Variants in UBA6 observed in about 807,000 individuals in gnomAD.
UBA6 encodes the protein ubiquitin-like modifier-activating enzyme 6.
Under a neutral mutation model 148.3 loss-of-function variants are expected in UBA6, and 87 were observed. That is an observed-to-expected ratio of 0.59 (90% CI 0.49 to 0.70). The LOEUF (loss-of-function observed/expected upper bound fraction) is 0.70. UBA6 is among the 30% of genes least tolerant of loss of function. The pLI is 0.00. For synonymous variants in UBA6, 376 were observed against 401.0 expected (o/e 0.94, Z 0.75); for missense variants, 1,186 against 1,241.2 (o/e 0.96, Z 0.67).
chr4:67,614,517 A>T lies in UBA6; in HGVS notation c.*4480T>A, dbSNP rs569809129. The T allele has an allele frequency of 1.3e-5, 2 of 152,274 alleles. No homozygotes were observed. Among genetic ancestry groups the T allele is most frequent in the African/African-American group, 4.8e-5 (2 of 41,570 alleles). The allele number at this position is 152,274 out of a possible 1,614,324, so 9.4% of individuals were successfully genotyped here. On this transcript the variant is annotated 3_prime_UTR_variant, in exon 33 of 33. Transcript: ENST00000322244. The stretch of plus-strand genomic sequence containing the variant: ...TGGCACTATAGAAAGGAGGAATAAA[A>T]CCCAGATTTTTCAATAAACGGTAGT...
intron 6 of UBA6, 88 bp from the exon 7 acceptor site, chr4:67,673,865 G>A: frequency 1.1e-6 from 1 of 900,214 alleles, no homozygotes. Flanking sequence ...AGTTTGCGTT[G>A]TGCTAAAGAC....
At chr4:67,644,881 A>C (rs1729387576) in intron 16 of UBA6, 103 bp from the exon 17 acceptor site, 1 of 528,906 alleles carries the variant, frequency 1.9e-6, no homozygotes. Context: ...GTTTCAACGA[A>C]AAAAAAAAGT....
At chr4:67,677,746 A>G in intron 5 of UBA6, 24 bp from the exon 6 acceptor site, 1 of 1,300,758 alleles carries the variant, frequency 7.7e-7, no homozygotes, top group Non-Finnish European at 1.1e-6. Context: ...ATAAATTTTT[A>G]CTGTTCTTTA....
intron 28 of UBA6, among the ~76,000 whole-genome samples, chr4:67,625,609 G>A (rs968441919): frequency 2.6e-5 from 4 of 151,994 alleles, no homozygotes; most frequent in East Asian, 1.9e-4. Flanking sequence ...TAAGAACAGG[G>A]TCAGTTGGTC....
chr4:67,637,107 T>C (rs1232075674), intron 19 of UBA6, among the ~76,000 whole-genome samples: 5 of 150,258 alleles, frequency 3.3e-5, no homozygotes, highest in Non-Finnish European at 5.9e-5. Flanking sequence ...GAGGAGCCCC[T>C]CCGCCCAGCA....
At chr4:67,648,060 AC>A (rs933030975) in intron 14 of UBA6, among the ~76,000 whole-genome samples, 2 of 151,820 alleles carry the variant, frequency 1.3e-5, no homozygotes, top group Non-Finnish European at 2.9e-5. Context: ...GGCATGAGCC[AC>A]TGCGCCTGCC....
intron 26 of UBA6, among the ~76,000 whole-genome samples, chr4:67,629,797 G>C (rs1297668772): frequency 6.6e-6 from 1 of 151,948 alleles, no homozygotes; most frequent in Non-Finnish European, 1.5e-5. Flanking sequence ...TTCCAAAAAG[G>C]ATTAATCTAA....
intron 2 of UBA6, among the ~76,000 whole-genome samples, chr4:67,687,228 G>T (rs1039458281): frequency 2.6e-5 from 4 of 151,710 alleles, no homozygotes; most frequent in African/African-American, 7.3e-5. Flanking sequence ...TAGAGAGGGG[G>T]TTTCACCATG....
chr4:67,686,952 TAAAAAAAAAAAAAAAAAAAAAAAA>T lies in UBA6; in HGVS notation c.135-4763_135-4740del, dbSNP rs546442640. Among the ~76,000 whole-genome samples, 36 of 57,190 alleles carry T rather than the reference TAAAAAAAAAAAAAAAAAAAAAAAA, an allele frequency of 6.3e-4. 1 individual carries two copies. In the South Asian group the frequency reaches 0.022, roughly 35 times the overall value. 37.5% of individuals were successfully genotyped at this position (57,190 alleles called of 152,430 possible). ...CTGGGCAACAGCAAGATCCTGTCTC[TAAAAAAAAAAAAAAAAAAAAAAAA>T]AAAAAAAAAAAAAATCAAAAACAAC... On this transcript the variant is annotated intron_variant, in intron 2 of 32. Coordinates refer to ENST00000322244, the MANE Select transcript of UBA6 (RefSeq NM_018227.6).
At chr4:67,633,226 A>G (rs1307972222) in intron 23 of UBA6, 119 bp downstream of exon 23, 3 of 869,788 alleles carry the variant, frequency 3.4e-6, no homozygotes, top group Non-Finnish European at 5.0e-6. Context: ...ACTTACTACT[A>G]ATTTCTGAAA....
intron 4 of UBA6, among the ~76,000 whole-genome samples, chr4:67,678,929 G>A (rs1577833931): frequency 6.6e-6 from 1 of 152,140 alleles, no homozygotes; most frequent in Admixed American, 6.5e-5. Flanking sequence ...GACACACTGG[G>A]AGAAATACAA....
At position 67,631,785 on chromosome 4, in the gene UBA6, A is replaced by G. The variant is rs765984708; in HGVS notation, c.2195-14T>C. The G allele has an allele frequency of 3.2e-5, 51 of 1,611,436 alleles. No homozygotes were observed. The highest frequency in any genetic ancestry group is 1.8e-5 in the Non-Finnish European group (21 of 1,178,716). ...GCCAAAATAAACCTGGCAAAAAGAT[A>G]CAAATATCATTTTCAATGTATGTAG... On this transcript the variant is annotated splice_polypyrimidine_tract_variant and intron_variant, in intron 24 of 32. Transcript: ENST00000322244.
At chr4:67,648,379 A>C (rs1729471284) in intron 14 of UBA6, among the ~76,000 whole-genome samples, 1 of 151,230 alleles carries the variant, frequency 6.6e-6, no homozygotes, top group Non-Finnish European at 1.5e-5. Flanking sequence ...GAGGCAGGAG[A>C]ATCGCGTGAA....
intron 27 of UBA6, 44 bp from the exon 28 acceptor site, chr4:67,626,521 G>T (rs1053295463): frequency 8.9e-6 from 11 of 1,229,442 alleles, no homozygotes; most frequent in Admixed American, 2.1e-5. Flanking sequence ...ATCATTTCCT[G>T]CATCTGTTTG....
intron 22 of UBA6, among the ~76,000 whole-genome samples, chr4:67,633,919 T>G (rs761712309): frequency 2.4e-4 from 36 of 152,026 alleles, no homozygotes; most frequent in Admixed American, 3.9e-4. Flanking sequence ...AGAACTTACC[T>G]CAATTTTTTC....
chr4:67,673,833 A>T, intron 6 of UBA6, 56 bp from the exon 7 acceptor site: 1 of 1,256,858 alleles, frequency 8.0e-7, no homozygotes, highest in Non-Finnish European at 1.1e-6. Flanking sequence ...TTTTTGTAGT[A>T]TACAATAATC....
At chr4:67,689,554 C>T (rs1481253094) in intron 2 of UBA6, among the ~76,000 whole-genome samples, 1 of 152,016 alleles carries the variant, frequency 6.6e-6, no homozygotes, top group Admixed American at 6.6e-5. Context: ...ACTTTTTTGG[C>T]TGTCAGAATT....
intron 30 of UBA6, among the ~76,000 whole-genome samples, chr4:67,623,667 G>T (rs1407589599): frequency 6.6e-6 from 1 of 151,986 alleles, no homozygotes; most frequent in Non-Finnish European, 1.5e-5. Flanking sequence ...CCTTACTGTG[G>T]ATTATAGTAT....
In UBA6 at chr4:67,652,951, G is replaced by A. The variant is rs372566400; in HGVS notation, c.1105-3740C>T. The stretch of plus-strand genomic sequence containing the variant: ...GCGCAGCAGTCTGAGATCCACCTGC[G>A]AGGCTGCAGCCTGGCGGGCATACAG... On this transcript the variant is annotated intron_variant, in intron 13 of 32. Coordinates refer to ENST00000322244, the MANE Select transcript of UBA6 (RefSeq NM_018227.6). Among the ~76,000 whole-genome samples the A allele has an allele frequency of 5.9e-5, 9 of 152,312 alleles. No individual in the cohort carries two copies. In the East Asian group the frequency reaches 1.2e-3, roughly 20 times the overall value.
Sources: allele counts gnomAD v4.1 joint callset (sites outside exome capture counted in the v4.1 genomes callset), GRCh38; gene constraint gnomAD v4.1.1; transcripts MANE v1.5; gene names NCBI Gene and HGNC (gene_info 2026-07-23, HGNC 2026-07-21).